Variants in CADM1 observed in about 807,000 individuals in gnomAD.
The protein encoded by CADM1 is cell adhesion molecule 1.
In CADM1, 15 loss-of-function variants were observed where a neutral mutation model predicts 53.1. That is an observed-to-expected ratio of 0.28 (90% CI 0.19 to 0.44). The LOEUF (loss-of-function observed/expected upper bound fraction) is 0.44. CADM1 is among the 20% of genes least tolerant of loss of function. The pLI is 1.00. For missense variants in CADM1, 434 were observed against 611.3 expected, an observed-to-expected ratio of 0.71 and a Z score of 3.06; for synonymous variants, 281 against 243.0, an observed-to-expected ratio of 1.16 and a Z score of -1.45.
chr11:115,459,823 A>G (rs1948756707), intron 1 of CADM1, among the ~76,000 whole-genome samples: 2 of 152,214 alleles, frequency 1.3e-5, no homozygotes, highest in Non-Finnish European at 2.9e-5. Flanking sequence ...CTTATGCTTC[A>G]GTGGGTTCAA....
At chr11:115,275,492 A>G (rs926145313) in intron 1 of CADM1, among the ~76,000 whole-genome samples, 3 of 152,212 alleles carry the variant, frequency 2.0e-5, no homozygotes, top group African/African-American at 7.2e-5. Flanking sequence ...ATTTCTGTCA[A>G]TTCCATTTGT....
At position 115,174,661 on chromosome 11, in the gene CADM1, A is replaced by C. The variant is rs986148013; in HGVS notation, c.*1813T>G. The C allele has an allele frequency of 1.0e-6, 1 of 984,304 alleles. No homozygotes were observed. Among genetic ancestry groups the C allele is most frequent in the Non-Finnish European group, 1.2e-6 (1 of 828,546 alleles). The allele number at this position is 984,304 out of a possible 1,614,324, so 61.0% of individuals were successfully genotyped here. ...CTTTTTCCCCCTTAAATAAATCAGCATAAGTTTTCCACATAATGTAACAAT... is the reference window on the plus strand; with the variant it reads ...CTTTTTCCCCCTTAAATAAATCAGCCTAAGTTTTCCACATAATGTAACAAT... On this transcript the variant is annotated 3_prime_UTR_variant, in exon 12 of 12. Coordinates refer to ENST00000331581, the MANE Select transcript of CADM1 (RefSeq NM_001301043.2).
rs77030161 is a variant in CADM1, at chr11:115,303,622, T to C, written c.125-63202A>G. ...CTGTAAAAGATAAAGCAAGAAAAAC[T>C]GGCACTTTGTCATAGTGTACAGGTA... On this transcript the variant is annotated intron_variant, in intron 1 of 11. Transcript: ENST00000331581. Among the ~76,000 whole-genome samples, 166 of 152,148 alleles carry C rather than the reference T, an allele frequency of 1.1e-3. 1 individual carries two copies. Among genetic ancestry groups the C allele is most frequent in the African/African-American group, 3.9e-3 (163 of 41,552 alleles).
At chr11:115,191,918 A>G (rs72645455) in intron 9 of CADM1, among the ~76,000 whole-genome samples, 24,873 of 152,170 alleles carry the variant, frequency 0.16, 2,147 homozygotes, top group East Asian at 0.3. Context: ...AGATGTCTGT[A>G]GACCTAATAA....
intron 1 of CADM1, among the ~76,000 whole-genome samples, chr11:115,495,876 G>A (rs937939722): frequency 2.0e-5 from 3 of 152,094 alleles, no homozygotes; most frequent in African/African-American, 7.2e-5. Flanking sequence ...TAAGGTGGTG[G>A]TATCTCTTGG....
chr11:115,367,240 T>C (rs1946187913), intron 1 of CADM1, among the ~76,000 whole-genome samples: 3 of 152,310 alleles, frequency 2.0e-5, no homozygotes, highest in East Asian at 1.9e-4. Flanking sequence ...ATAATCATCA[T>C]ATATGTAAGA....
intron 1 of CADM1, among the ~76,000 whole-genome samples, chr11:115,480,835 T>C (rs1210219008): frequency 2.0e-5 from 3 of 152,046 alleles, no homozygotes; most frequent in Non-Finnish European, 2.9e-5. Flanking sequence ...CCCTGCAGGG[T>C]GCAATCTTAT....
At chr11:115,444,462 T>A (rs541919762) in intron 1 of CADM1, among the ~76,000 whole-genome samples, 2 of 152,326 alleles carry the variant, frequency 1.3e-5, no homozygotes, top group South Asian at 2.1e-4. Flanking sequence ...ATCACTTGTG[T>A]TTTTTCATTT....
intron 1 of CADM1, among the ~76,000 whole-genome samples, chr11:115,496,039 A>G (rs1379536055): frequency 2.0e-5 from 3 of 152,222 alleles, no homozygotes; most frequent in Non-Finnish European, 2.9e-5. Context: ...TGTTTAGTCA[A>G]TTACACAATT....
chr11:115,238,681 T>G (rs1478065315), intron 2 of CADM1, 29 bp from the exon 3 acceptor site: 1 of 1,610,370 alleles, frequency 6.2e-7, no homozygotes, highest in Non-Finnish European at 8.5e-7. Flanking sequence ...AGTTAGTGAT[T>G]GTGAGAAGGT....
chr11:115,487,098 T>C (rs571471731), intron 1 of CADM1, among the ~76,000 whole-genome samples: 1 of 152,360 alleles, frequency 6.6e-6, no homozygotes, highest in Admixed American at 6.5e-5. Flanking sequence ...CAGGCTTCAT[T>C]TGCTCCAGCC....
In CADM1 at chr11:115,183,595, G is replaced by T. The variant is rs140666045; in HGVS notation, c.1166-4820C>A. On this transcript the variant is annotated intron_variant, in intron 10 of 11. Coordinates refer to ENST00000331581, the MANE Select transcript of CADM1 (RefSeq NM_001301043.2). ...TCCAAGGTCAGTCTTTTTGCCAAAA[G>T]GACACCAAGATTTCTACCTCTGAGA... Among the ~76,000 whole-genome samples the T allele has an allele frequency of 9.2e-5, 14 of 152,236 alleles. No homozygotes were observed. The East Asian group carries it at 2.3e-3, about 25-fold the overall frequency.
chr11:115,269,177 C>G (rs1943228127), intron 1 of CADM1, among the ~76,000 whole-genome samples: 1 of 152,120 alleles, frequency 6.6e-6, no homozygotes, highest in African/African-American at 2.4e-5. Flanking sequence ...CAAGCAAATC[C>G]AGACTAACCC....
At chr11:115,319,646 T>G (rs750497162) in intron 1 of CADM1, among the ~76,000 whole-genome samples, 7 of 152,130 alleles carry the variant, frequency 4.6e-5, no homozygotes, top group African/African-American at 7.2e-5. Context: ...TGAAGGCAGT[T>G]CTTTGATTCT....
chr11:115,478,979 G>A lies in CADM1; in HGVS notation c.124+25292C>T, dbSNP rs193172602. ...TTTTGCTATTAAAATCTATGCAGCAGTTACATCTTTCTACGTATATATTTG... is the reference window on the plus strand; with the variant it reads ...TTTTGCTATTAAAATCTATGCAGCAATTACATCTTTCTACGTATATATTTG... On this transcript the variant is annotated intron_variant, in intron 1 of 11. Coordinates refer to ENST00000331581, the MANE Select transcript of CADM1 (RefSeq NM_001301043.2). 7.2e-4 allele frequency among the ~76,000 whole-genome samples: 110 copies of A among 152,170 alleles called. No homozygotes were observed. The South Asian group carries it at 0.016, about 22-fold the overall frequency.
intron 1 of CADM1, among the ~76,000 whole-genome samples, chr11:115,389,915 C>A (rs1696851474): frequency 6.6e-6 from 1 of 152,138 alleles, no homozygotes; most frequent in African/African-American, 2.4e-5. Flanking sequence ...GTAAATTATA[C>A]TGTGGATGTG....
intron 1 of CADM1, among the ~76,000 whole-genome samples, chr11:115,363,272 C>T (rs1946077221): frequency 1.3e-5 from 2 of 152,136 alleles, no homozygotes; most frequent in Admixed American, 6.6e-5. Context: ...GTCATTATTA[C>T]CATCTCCTAC....
At chr11:115,431,156 T>C in intron 1 of CADM1, among the ~76,000 whole-genome samples, 1 of 152,274 alleles carries the variant, frequency 6.6e-6, no homozygotes, top group East Asian at 1.9e-4. Context: ...GGAAAACAGA[T>C]TGACAACTAC....
At chr11:115,226,515 A>G (rs992299840) in intron 5 of CADM1, among the ~76,000 whole-genome samples, 9 of 152,240 alleles carry the variant, frequency 5.9e-5, no homozygotes, top group Non-Finnish European at 1.2e-4. Context: ...ATTAAAATAC[A>G]GGTGCAATGT....
Sources: allele counts gnomAD v4.1 joint callset (sites outside exome capture counted in the v4.1 genomes callset), GRCh38; gene constraint gnomAD v4.1.1; transcripts MANE v1.5; gene names NCBI Gene and HGNC (gene_info 2026-07-23, HGNC 2026-07-21).